Variants in EDARADD observed in about 807,000 individuals in gnomAD.
EDARADD encodes ectodysplasin-A receptor-associated adapter protein.
EDARADD carries 20 observed loss-of-function variants against 25.6 expected under a neutral mutation model. The ratio of observed to expected loss-of-function variants is 0.78; its 90% CI spans 0.55 to 1.14. The LOEUF (loss-of-function observed/expected upper bound fraction) is 1.14, where lower values mean the gene tolerates loss of function less well. Among genes scored for constraint, EDARADD ranks in the 50% most tolerant of loss-of-function variants. The pLI is 0.00. For missense variants in EDARADD, 225 were observed against 270.1 expected (o/e 0.83, Z 1.17); for synonymous variants, 86 against 94.4 (o/e 0.91, Z 0.52).
intron 3 of EDARADD, among the ~76,000 whole-genome samples, chr1:236,421,045 T>C (rs1657771526): frequency 6.8e-6 from 1 of 147,212 alleles, no homozygotes; most frequent in African/African-American, 2.5e-5. Flanking sequence ...GGAGAATGTG[T>C]TTTGATTGTC....
intron 4 of EDARADD, among the ~76,000 whole-genome samples, chr1:236,462,042 C>T (rs1659051597): frequency 6.6e-6 from 1 of 152,160 alleles, no homozygotes; most frequent in African/African-American, 2.4e-5. Context: ...TTCTGCTGGG[C>T]ACTGCAGGAC....
intron 4 of EDARADD, among the ~76,000 whole-genome samples, chr1:236,461,234 C>T (rs1321942315): frequency 6.6e-6 from 1 of 152,190 alleles, no homozygotes; most frequent in African/African-American, 2.4e-5. Flanking sequence ...TTTCTGCAAG[C>T]AGAGAGATCA....
At chr1:236,421,161 A>G (rs1657773919) in intron 3 of EDARADD, among the ~76,000 whole-genome samples, 1 of 147,304 alleles carries the variant, frequency 6.8e-6, no homozygotes, top group Non-Finnish European at 1.5e-5. Flanking sequence ...GGAATTTATG[A>G]GTCATGTATA....
At chr1:236,464,684 C>T (rs770971970) in intron 4 of EDARADD, among the ~76,000 whole-genome samples, 12 of 151,908 alleles carry the variant, frequency 7.9e-5, no homozygotes, top group Non-Finnish European at 1.2e-4. Flanking sequence ...TGGCCCGCCT[C>T]GGCCTCCCAA....
chr1:236,434,467 T>G (rs1230454178), intron 4 of EDARADD, among the ~76,000 whole-genome samples: 1 of 152,216 alleles, frequency 6.6e-6, no homozygotes, highest in Non-Finnish European at 1.5e-5. Flanking sequence ...CTTGAACTCC[T>G]GACCTCAAGC....
intron 3 of EDARADD, among the ~76,000 whole-genome samples, chr1:236,367,880 T>C (rs1169529024): frequency 1.3e-5 from 2 of 152,114 alleles, no homozygotes; most frequent in African/African-American, 2.4e-5. Context: ...AGGCAGATGC[T>C]GGAGGATCAC....
upstream of EDARADD, among the ~76,000 whole-genome samples, chr1:236,394,114 G>A (rs1667470745): frequency 6.6e-6 from 1 of 152,148 alleles, no homozygotes; most frequent in African/African-American, 2.4e-5. Flanking sequence ...CAGCTTTATA[G>A]CAATGCTTGA....
rs1659776384 is a variant in EDARADD at position 236,484,513 on chromosome 1, A to AC, written c.*1868dup. On this transcript the variant is annotated 3_prime_UTR_variant, in exon 6 of 6. Coordinates refer to ENST00000334232, the MANE Select transcript of EDARADD (RefSeq NM_145861.4). This position sits in a 1 kb window ranked among gnomAD's most constrained non-coding sequence, Gnocchi z 4.1. ...CTTCAGTCACCTGGTGGCTAATTAG[A>AC]CCCCTCCCCTTGTGTCAACTCCGGC... 3 of 1,502,142 alleles carry AC rather than the reference A, an allele frequency of 2.0e-6. No homozygotes were observed. The highest frequency in any genetic ancestry group is 1.8e-6 in the Non-Finnish European group (2 of 1,087,206). The allele number at this position is 1,502,142 out of a possible 1,614,324, so 93.1% of individuals were successfully genotyped here.
chr1:236,385,134 C>T (rs543583994), intron 3 of EDARADD, among the ~76,000 whole-genome samples: 185 of 134,034 alleles, frequency 1.4e-3, no homozygotes, highest in African/African-American at 4.9e-3. Context: ...CCTGGCCGGG[C>T]GCGGTAGCTC....
At chr1:236,480,133 A>ATATATATC (rs1553271650) in intron 5 of EDARADD, among the ~76,000 whole-genome samples, 2 of 142,088 alleles carry the variant, frequency 1.4e-5, no homozygotes, top group African/African-American at 5.3e-5. Flanking sequence ...ATATATATAT[A>ATATATATC]TATCACATTT....
In EDARADD at chr1:236,395,846, G is replaced by A. The variant is rs1045166710; in HGVS notation, c.61+1341G>A. ...CACGGGGCTCCCAGTCCAGCCCCGC[G>A]AGCGGCTGCTGACCGCCCCTCCCGC... On this transcript the variant is annotated intron_variant, in intron 1 of 5. Coordinates refer to ENST00000334232, the MANE Select transcript of EDARADD (RefSeq NM_145861.4). This position sits in a 1 kb window ranked among gnomAD's most constrained non-coding sequence, Gnocchi z 6.9. 2.0e-5 allele frequency among the ~76,000 whole-genome samples: 3 copies of A among 151,114 alleles called. No homozygotes were observed. The highest frequency in any genetic ancestry group is 4.9e-5 in the African/African-American group (2 of 41,128).
chr1:236,415,036 A>G (rs1657600241), intron 3 of EDARADD, among the ~76,000 whole-genome samples: 1 of 151,982 alleles, frequency 6.6e-6, no homozygotes, highest in Non-Finnish European at 1.5e-5. Flanking sequence ...AAAGATGATT[A>G]CTAGCGCCTC....
chr1:236,460,433 A>G (rs1659008073), intron 4 of EDARADD, among the ~76,000 whole-genome samples: 1 of 151,896 alleles, frequency 6.6e-6, no homozygotes, highest in African/African-American at 2.4e-5. Flanking sequence ...CAATCCACCC[A>G]CCTTGGCCTC....
chr1:236,365,447 C>T (rs1667103154), intron 3 of EDARADD, among the ~76,000 whole-genome samples: 1 of 152,164 alleles, frequency 6.6e-6, no homozygotes, highest in Non-Finnish European at 1.5e-5. Flanking sequence ...AGGCATGAAC[C>T]ACTGCACCCA....
chr1:236,476,667 A>G (rs1659517150), intron 5 of EDARADD, among the ~76,000 whole-genome samples: 1 of 151,966 alleles, frequency 6.6e-6, no homozygotes, highest in African/African-American at 2.4e-5. Context: ...CTGGGATTAC[A>G]GGCATGTGCC....
intron 5 of EDARADD, among the ~76,000 whole-genome samples, chr1:236,479,113 A>G (rs1171704809): frequency 6.6e-6 from 1 of 152,124 alleles, no homozygotes; most frequent in Non-Finnish European, 1.5e-5. Context: ...AATCACCACT[A>G]ATGAACTTAC....
At chr1:236,415,801 C>T (rs1657620275) in intron 3 of EDARADD, among the ~76,000 whole-genome samples, 1 of 152,090 alleles carries the variant, frequency 6.6e-6, no homozygotes, top group Non-Finnish European at 1.5e-5. Context: ...GGGGCCTCTA[C>T]CTTGTAGTCT....
chr1:236,477,537 G>T (rs1053462203), intron 5 of EDARADD, among the ~76,000 whole-genome samples: 1 of 152,124 alleles, frequency 6.6e-6, no homozygotes, highest in African/African-American at 2.4e-5. Context: ...ACTGATGTGG[G>T]GGTTCCAAGT....
At chr1:236,428,213 G>C (rs181089863) in intron 4 of EDARADD, among the ~76,000 whole-genome samples, 4 of 152,198 alleles carry the variant, frequency 2.6e-5, no homozygotes, top group Admixed American at 6.5e-5. Flanking sequence ...GTTTAACAAA[G>C]CACATCTTGC....
Sources: allele counts gnomAD v4.1 joint callset (sites outside exome capture counted in the v4.1 genomes callset), GRCh38; gene constraint gnomAD v4.1.1; non-coding constraint Gnocchi (gnomAD v3.1); transcripts MANE v1.5; gene names NCBI Gene and HGNC (gene_info 2026-07-23, HGNC 2026-07-21).